ABLIM3: variants seen among roughly 807,000 people sequenced by gnomAD.
ABLIM3 encodes the protein actin binding LIM protein family member 3, also known as actin-binding LIM protein 3.
A neutral mutation model predicts 109.5 loss-of-function variants in ABLIM3; 61 were observed. The observed-to-expected ratio is 0.56, with a 90% confidence interval of 0.45 to 0.69. The LOEUF is 0.69. ABLIM3 is among the 30% of genes least tolerant of loss of function. The pLI, the probability that ABLIM3 is intolerant of heterozygous loss-of-function variation, is 0.00. For synonymous variants in ABLIM3, 300 were observed against 324.8 expected (o/e 0.92, Z 0.82); for missense variants, 796 against 889.5 (o/e 0.89, Z 1.34).
intron 8 of ABLIM3, among the ~76,000 whole-genome samples, chr5:149,226,842 G>A (rs867734405): frequency 5.3e-5 from 8 of 152,006 alleles, no homozygotes; most frequent in African/African-American, 9.7e-5. Context: ...AGGCCGAGGC[G>A]GGCAGATCAC....
chr5:149,213,877 T>C (rs1305266780), intron 7 of ABLIM3, among the ~76,000 whole-genome samples: 2 of 152,194 alleles, frequency 1.3e-5, no homozygotes, highest in Non-Finnish European at 2.9e-5. Flanking sequence ...CTCTTCATTT[T>C]ACAGATGAGA....
In ABLIM3 at chr5:149,210,738, A is replaced by C. The variant is rs1204166270; in HGVS notation, c.588A>C (p.Pro196=). The part of the protein sequence containing the change: ...TGEYISKDGV[P]YCESDYHAQF... ...CTTCTTCTTGCAGGGATGGTGTTCC[A>C]TACTGTGAGTCCGACTACCATGCCC... Residue 196 remains proline, a synonymous_variant, in exon 7 of 24, where the codon CCA becomes CCC. Transcript: ENST00000309868. The C allele has an allele frequency of 6.2e-7, 1 of 1,614,098 alleles. No homozygotes were observed. The highest frequency in any genetic ancestry group is 1.1e-5 in the South Asian group (1 of 91,082).
intron 23 of ABLIM3, among the ~76,000 whole-genome samples, chr5:149,256,962 A>G (rs1754484503): frequency 6.6e-6 from 1 of 152,242 alleles, no homozygotes; most frequent in African/African-American, 2.4e-5. Flanking sequence ...TATTGACCAA[A>G]AATTATCAAT....
At chr5:149,249,625 A>G (rs890333039) in intron 18 of ABLIM3, among the ~76,000 whole-genome samples, 190 bp from the exon 19 acceptor site, 1 of 152,196 alleles carries the variant, frequency 6.6e-6, no homozygotes, top group Non-Finnish European at 1.5e-5. Flanking sequence ...GGAGCTGGAC[A>G]GGGAAGGGAG....
intron 8 of ABLIM3, chr5:149,220,159 C>T (rs778118630): frequency 5.9e-5 from 9 of 152,138 alleles, no homozygotes; most frequent in Non-Finnish European, 1.2e-4. Context: ...CTACTGTGTC[C>T]CCGCTGCTGT....
intron 3 of ABLIM3, among the ~76,000 whole-genome samples, chr5:149,193,152 C>T (rs1757655479): frequency 6.6e-6 from 1 of 152,070 alleles, no homozygotes; most frequent in Non-Finnish European, 1.5e-5. Flanking sequence ...AACACACTGA[C>T]TTGATAATGC....
Position 149,185,853 on chromosome 5 carries a change from A to G in ABLIM3, c.151+2264A>G, listed in dbSNP as rs150417423. Reference sequence around the variant, plus strand: ...GAATCTACGAAGGCTAAAAACGGAAACAGAAACCCTGCTGTGACTCCCAAT... The same window carrying G: ...GAATCTACGAAGGCTAAAAACGGAAGCAGAAACCCTGCTGTGACTCCCAAT... On this transcript the variant is annotated intron_variant, in intron 3 of 23. Coordinates refer to ENST00000309868, the MANE Select transcript of ABLIM3 (RefSeq NM_014945.5). Among the ~76,000 whole-genome samples, 435 of 152,320 alleles carry G rather than the reference A, an allele frequency of 2.9e-3. 2 individuals are homozygous for G. The highest frequency in any genetic ancestry group is 9.7e-3 in the African/African-American group (403 of 41,570).
chr5:149,224,743 C>T (rs946791023), intron 8 of ABLIM3, among the ~76,000 whole-genome samples: 8 of 152,168 alleles, frequency 5.3e-5, no homozygotes, highest in Non-Finnish European at 1.2e-4. Flanking sequence ...CTGACATAGG[C>T]GGACACCGTT....
At chr5:149,192,222 A>T (rs887654768) in intron 3 of ABLIM3, among the ~76,000 whole-genome samples, 1 of 152,248 alleles carries the variant, frequency 6.6e-6, no homozygotes, top group East Asian at 1.9e-4. Flanking sequence ...AAAGGAAAAA[A>T]AAAACCTATT....
rs1375661877 is a variant in ABLIM3 at position 149,230,727 on chromosome 5, C to T, written c.816+20C>T. The T allele has an allele frequency of 6.2e-7, 1 of 1,613,674 alleles. No homozygotes were observed. The highest frequency in any genetic ancestry group is 8.5e-7 in the Non-Finnish European group (1 of 1,179,652). The stretch of plus-strand genomic sequence containing the variant: ...TTAAAGGTAAGCAAGCTAGTAGATT[C>T]CAGACCAGCACTCCTGCTTTGCTAC... On this transcript the variant is annotated intron_variant, in intron 9 of 23. Transcript: ENST00000309868.
intron 9 of ABLIM3, among the ~76,000 whole-genome samples, chr5:149,232,337 G>A (rs1273289908): frequency 1.3e-5 from 2 of 152,156 alleles, no homozygotes; most frequent in African/African-American, 2.4e-5. Context: ...ATTGACAATT[G>A]TTGAGAGAGT....
At chr5:149,159,829 T>C (rs1754174648) in intron 2 of ABLIM3, among the ~76,000 whole-genome samples, 1 of 152,238 alleles carries the variant, frequency 6.6e-6, no homozygotes, top group Non-Finnish European at 1.5e-5. Context: ...CCTGATGTTC[T>C]AGCTGCACTG....
At chr5:149,163,369 T>A (rs1392629364) in intron 2 of ABLIM3, among the ~76,000 whole-genome samples, 2 of 152,198 alleles carry the variant, frequency 1.3e-5, no homozygotes, top group African/African-American at 4.8e-5. Context: ...TTATATCCTT[T>A]ATGCTATTTA....
At chr5:149,178,246 G>A (rs1756144352) in intron 2 of ABLIM3, among the ~76,000 whole-genome samples, 1 of 152,142 alleles carries the variant, frequency 6.6e-6, no homozygotes, top group African/African-American at 2.4e-5. Context: ...CCCACAGTTG[G>A]GTCTTCTTTG....
intron 2 of ABLIM3, among the ~76,000 whole-genome samples, chr5:149,155,910 G>A (rs1753833884): frequency 6.6e-6 from 1 of 152,190 alleles, no homozygotes; most frequent in African/African-American, 2.4e-5. Context: ...GAGAGGTTTG[G>A]AGCCCAGTAG....
chr5:149,210,752 AC>A lies in ABLIM3; in HGVS notation c.603del (p.Tyr202ThrfsTer70). ...GATGGTGTTCCATACTGTGAGTCCG[AC>A]TACCATGCCCAGTTTGGCATTAAAT... ...SKDGVPYCES[D>X]YHAQFGIKCE... On this transcript the variant is annotated frameshift_variant, in exon 7 of 24. Transcript: ENST00000309868. LOFTEE classifies it high-confidence loss of function. 1 of 1,614,102 alleles carries A rather than the reference AC, an allele frequency of 6.2e-7. No homozygotes were observed. The highest frequency in any genetic ancestry group is 8.5e-7 in the Non-Finnish European group (1 of 1,179,990).
intron 2 of ABLIM3, among the ~76,000 whole-genome samples, chr5:149,157,114 T>G (rs1282164391): frequency 6.6e-6 from 1 of 152,222 alleles, no homozygotes; most frequent in African/African-American, 2.4e-5. Flanking sequence ...GTTCCATTCT[T>G]TGTGTTGCCT....
chr5:149,216,122 C>T (rs1260492665), intron 7 of ABLIM3, among the ~76,000 whole-genome samples: 1 of 152,136 alleles, frequency 6.6e-6, no homozygotes, highest in African/African-American at 2.4e-5. Context: ...CAGGACTGGC[C>T]TGGGGATCTG....
At chr5:149,252,601 G>A in intron 22 of ABLIM3, 156 bp from the exon 23 acceptor site, 2 of 647,728 alleles carry the variant, frequency 3.1e-6, no homozygotes, top group Non-Finnish European at 5.4e-6. Context: ...TCTTAAGACT[G>A]CTGGGCAACC....
Sources: allele counts gnomAD v4.1 joint callset (sites outside exome capture counted in the v4.1 genomes callset), GRCh38; gene constraint gnomAD v4.1.1; transcripts MANE v1.5; gene names NCBI Gene and HGNC (gene_info 2026-07-23, HGNC 2026-07-21).